The following SH3D19 variants were observed in gnomAD, a reference collection of about 807,000 sequenced individuals.
SH3D19 encodes the protein SH3 domain-containing protein 19.
Under a neutral mutation model 112.1 loss-of-function variants are expected in SH3D19, and 58 were observed. The observed-to-expected ratio is 0.52, with a 90% CI of 0.42 to 0.64. SH3D19 has a LOEUF of 0.64. Among genes scored for constraint, SH3D19 ranks in the 30% least tolerant of loss-of-function variants. The probability of loss-of-function intolerance (pLI) is 0.00; values close to 1 mark genes in which losing one functional copy is unlikely to be tolerated. For synonymous variants in SH3D19, 391 were observed against 448.5 expected (o/e 0.87, Z 1.62); for missense variants, 1,090 against 1,263.4 (o/e 0.86, Z 2.08).
chr4:151,252,785 C>T (rs1771515434), intron 1 of SH3D19, among the ~76,000 whole-genome samples: 1 of 152,244 alleles, frequency 6.6e-6, no homozygotes, highest in Non-Finnish European at 1.5e-5. Context: ...TCTCCTCCTA[C>T]ACTGTGCCCC....
At chr4:151,205,582 A>G (rs1764992508) in intron 2 of SH3D19, among the ~76,000 whole-genome samples, 1 of 152,200 alleles carries the variant, frequency 6.6e-6, no homozygotes, top group African/African-American at 2.4e-5. Context: ...GATGATCTCT[A>G]TTCTACCCAC....
At chr4:151,182,866 T>C (rs1033108532) in intron 3 of SH3D19, among the ~76,000 whole-genome samples, 1 of 152,264 alleles carries the variant, frequency 6.6e-6, no homozygotes, top group Non-Finnish European at 1.5e-5. Context: ...TAGACAAGCA[T>C]GTCCCATTTT....
chr4:151,279,977 C>A, intron 1 of SH3D19: 1 of 1,360,692 alleles, frequency 7.3e-7, no homozygotes, highest in Non-Finnish European at 9.7e-7. Flanking sequence ...TAGCTGGCAG[C>A]TAACACACAG....
chr4:151,130,311 G>A (rs541645610), intron 17 of SH3D19, among the ~76,000 whole-genome samples: 5 of 152,088 alleles, frequency 3.3e-5, no homozygotes, highest in East Asian at 1.9e-4. Context: ...GTGGTGGTGT[G>A]TGCCTGTCAT....
At chr4:151,150,844 G>A (rs1166225062) in intron 9 of SH3D19, among the ~76,000 whole-genome samples, 1 of 152,156 alleles carries the variant, frequency 6.6e-6, no homozygotes, top group Middle Eastern at 3.4e-3. Flanking sequence ...CAAGGATTGG[G>A]AAATGAAGGT....
intron 7 of SH3D19, among the ~76,000 whole-genome samples, chr4:151,168,851 T>A (rs1293182051): frequency 1.3e-5 from 2 of 152,188 alleles, no homozygotes; most frequent in African/African-American, 2.4e-5. Flanking sequence ...ATCTTGAGCA[T>A]GTAATGACTT....
intron 1 of SH3D19, among the ~76,000 whole-genome samples, chr4:151,242,306 C>T (rs1168670253): frequency 1.3e-5 from 2 of 152,206 alleles, no homozygotes; most frequent in African/African-American, 4.8e-5. Context: ...CTATGCCAAA[C>T]TGAAAAGTAA....
chr4:151,256,413 A>G (rs1771921544), intron 1 of SH3D19, among the ~76,000 whole-genome samples: 2 of 152,246 alleles, frequency 1.3e-5, no homozygotes, highest in South Asian at 4.1e-4. Flanking sequence ...ATCTTCTATT[A>G]GGTTCCACTT....
Position 151,323,546 on chromosome 4 carries a change from C to T in SH3D19, c.112+1695G>A, listed in dbSNP as rs77196868. Among the ~76,000 whole-genome samples the T allele has an allele frequency of 8.5e-3, 1,300 of 152,236 alleles. 16 individuals are homozygous for T. The highest frequency in any genetic ancestry group is 0.03 in the African/African-American group (1,240 of 41,538). On this transcript the variant is annotated intron_variant, in intron 1 of 19. Transcript: ENST00000604030. ...TTCTAAAAGAAATAAATCCAAAAAT[C>T]GCAAGTTTAACCCTCTTACTCATTC...
At chr4:151,269,285 GTTGT>G (rs576815307) in intron 1 of SH3D19, among the ~76,000 whole-genome samples, 10 of 152,184 alleles carry the variant, frequency 6.6e-5, no homozygotes, top group East Asian at 1.9e-4. Flanking sequence ...TTTTGATGGG[GTTGT>G]TTGTTTTTTT....
chr4:151,177,606 CCCAAAG>C (rs1191502851), intron 4 of SH3D19, among the ~76,000 whole-genome samples: 1 of 152,220 alleles, frequency 6.6e-6, no homozygotes, highest in African/African-American at 2.4e-5. Context: ...ACCTCAGCCT[CCCAAAG>C]TGCTGGGATT....
chr4:151,208,818 C>CA (rs1370972280), intron 2 of SH3D19, among the ~76,000 whole-genome samples: 1 of 152,020 alleles, frequency 6.6e-6, no homozygotes, highest in Non-Finnish European at 1.5e-5. Context: ...GCTGGGACTA[C>CA]AGGCGCCCAC....
At chr4:151,231,094 A>G (rs1769571000) in intron 1 of SH3D19, among the ~76,000 whole-genome samples, 1 of 152,166 alleles carries the variant, frequency 6.6e-6, no homozygotes, top group Non-Finnish European at 1.5e-5. Flanking sequence ...CTGAAAACAA[A>G]TTATTTGCAG....
intron 13 of SH3D19, 86 bp from the exon 14 acceptor site, chr4:151,137,948 A>G: frequency 9.1e-7 from 1 of 1,098,438 alleles, no homozygotes. Flanking sequence ...AGTTGTGTCC[A>G]CTGAGGCAGT....
In SH3D19 at chr4:151,181,116, G is replaced by GA. The variant is rs1355442754; in HGVS notation, c.194-1720dup. On this transcript the variant is annotated intron_variant, in intron 3 of 19. Coordinates refer to ENST00000604030, the MANE Select transcript of SH3D19 (RefSeq NM_001378122.1). ...AACATATTCTAAAGATCTCTTTGGG[G>GA]AAAAAAATCTTCTAATACTATAGTG... Among the ~76,000 whole-genome samples the GA allele has an allele frequency of 4.6e-5, 7 of 151,986 alleles. No individual in the cohort carries two copies. In the East Asian group the frequency reaches 1.2e-3, roughly 25 times the overall value.
intron 1 of SH3D19, among the ~76,000 whole-genome samples, chr4:151,298,457 T>TGA (rs36106315): frequency 0.36 from 54,777 of 151,890 alleles, 10,848 homozygotes; most frequent in Middle Eastern, 0.44. Context: ...ATTACAGGCG[T>TGA]GAGCCACCGC....
rs752518836 is a variant in SH3D19, at chr4:151,174,927, T to G, written c.1277A>C (p.Lys426Thr). 9 of 1,613,710 alleles carry G rather than the reference T, an allele frequency of 5.6e-6. No homozygotes were observed. The highest frequency in any genetic ancestry group is 3.3e-5 in the Admixed American group (2 of 59,974). Residue 426 changes from lysine (K) to threonine (T), a missense_variant, in exon 7 of 20, where the codon AAG becomes ACG. Coordinates refer to ENST00000604030, the MANE Select transcript of SH3D19 (RefSeq NM_001378122.1). ...PTPAPRPLLL[K>T]KSVSSENPTY... is the part of the protein sequence containing the mutation. ...GGGGTTTTCTGAGGAAACAGATTTC[T>G]TCAGCAGCAAAGGCCGCGGGGCAGG...
intron 1 of SH3D19, among the ~76,000 whole-genome samples, chr4:151,323,221 A>T (rs938673639): frequency 6.6e-6 from 1 of 152,216 alleles, no homozygotes; most frequent in Non-Finnish European, 1.5e-5. Context: ...CCCCAGGTTT[A>T]TGGTTATCAA....
At chr4:151,283,488 A>G (rs1774444482) in intron 1 of SH3D19, among the ~76,000 whole-genome samples, 1 of 150,580 alleles carries the variant, frequency 6.6e-6, no homozygotes, top group South Asian at 2.1e-4. Context: ...CTAGACCAAT[A>G]CTAACGACTG....
Sources: allele counts gnomAD v4.1 joint callset (sites outside exome capture counted in the v4.1 genomes callset), GRCh38; gene constraint gnomAD v4.1.1; transcripts MANE v1.5; gene names NCBI Gene and HGNC (gene_info 2026-07-23, HGNC 2026-07-21).